Variants in MUCL1 observed in about 807,000 individuals in gnomAD.
MUCL1 encodes the protein mucin like 1.
MUCL1 carries 11 observed loss-of-function variants against 9.2 expected under a neutral mutation model. The ratio of observed to expected loss-of-function variants is 1.19; its 90% CI spans 0.75 to 1.97. The LOEUF is 1.97. MUCL1 is among the 30% of genes most tolerant of loss of function. The pLI is 0.00. For missense variants in MUCL1, 144 were observed against 110.9 expected (o/e 1.30, Z -1.34); for synonymous variants, 48 against 40.5 (o/e 1.19, Z -0.71).
chr12:54,842,488 C>CT (rs955590407), intron 1 of MUCL1, among the ~76,000 whole-genome samples: 2 of 152,052 alleles, frequency 1.3e-5, no homozygotes, highest in African/African-American at 4.8e-5. Context: ...ACCTCACATA[C>CT]TTATCTTTTT....
upstream of MUCL1, among the ~76,000 whole-genome samples, chr12:54,854,059 A>T (rs1385060329): frequency 2.5e-5 from 3 of 120,558 alleles, no homozygotes; most frequent in Admixed American, 9.3e-5. Flanking sequence ...GACTCGAAGA[A>T]TGCACAGCCT....
At position 54,854,578 on chromosome 12, in the gene MUCL1, C is replaced by A; in HGVS notation, c.-5C>A. On this transcript the variant is annotated 5_prime_UTR_variant, in exon 1 of 4. Coordinates refer to ENST00000308796, the MANE Select transcript of MUCL1 (RefSeq NM_058173.3). ...TCTGTGCTCCCTGATCTTCAGGTCA[C>A]CACCATGAAGTTCTTAGCAGTCCTG... 1 of 1,612,196 alleles carries A rather than the reference C, an allele frequency of 6.2e-7. No homozygotes were observed. The highest frequency in any genetic ancestry group is 8.5e-7 in the Non-Finnish European group (1 of 1,178,714).
intron 1 of MUCL1, among the ~76,000 whole-genome samples, chr12:54,845,261 G>T (rs1238991523): frequency 2.0e-5 from 3 of 152,142 alleles, no homozygotes; most frequent in Non-Finnish European, 4.4e-5. Flanking sequence ...TCTGCCCAAT[G>T]CATATAGCAG....
At chr12:54,850,789 G>C (rs1013578906), upstream of MUCL1, among the ~76,000 whole-genome samples, 2 of 152,170 alleles carry the variant, frequency 1.3e-5, no homozygotes, top group Admixed American at 6.5e-5. Flanking sequence ...GTGTAAAAGT[G>C]TTCCTATTTC....
intron 1 of MUCL1, among the ~76,000 whole-genome samples, chr12:54,844,239 C>A (rs1021515086): frequency 1.3e-5 from 2 of 151,800 alleles, no homozygotes; most frequent in East Asian, 3.9e-4. Flanking sequence ...CTACCTGGGG[C>A]CCCAGATTTT....
intron 1 of MUCL1, among the ~76,000 whole-genome samples, chr12:54,847,338 G>A (rs1428982495): frequency 6.6e-6 from 1 of 152,178 alleles, no homozygotes; most frequent in African/African-American, 2.4e-5. Flanking sequence ...AAGAAAGGCC[G>A]GGCACAGTGG....
chr12:54,840,004 C>T (rs967984398), intron 1 of MUCL1, among the ~76,000 whole-genome samples: 2 of 152,186 alleles, frequency 1.3e-5, no homozygotes, highest in Non-Finnish European at 2.9e-5. Flanking sequence ...TTTGTCCCAC[C>T]TGGTATTCCC....
At chr12:54,855,021 T>C (rs887744452) in intron 1 of MUCL1, 95 bp from the exon 2 acceptor site, 15 of 1,048,658 alleles carry the variant, frequency 1.4e-5, no homozygotes, top group Non-Finnish European at 1.7e-5. Flanking sequence ...GGGTCTTCCA[T>C]TGTAAAGTCT....
At chr12:54,857,734 G>A (rs931180771) in intron 3 of MUCL1, among the ~76,000 whole-genome samples, 1 of 151,868 alleles carries the variant, frequency 6.6e-6, no homozygotes, top group Admixed American at 6.6e-5. Context: ...TTGAGCACAC[G>A]GGCAGAAAGA....
At chr12:54,838,055 A>G (rs572373046), upstream of MUCL1, among the ~76,000 whole-genome samples, 2 of 152,252 alleles carry the variant, frequency 1.3e-5, no homozygotes, top group South Asian at 4.2e-4. Flanking sequence ...AAGTGGTTCT[A>G]TTCTGGTGCA....
chr12:54,845,535 C>T (rs1306022750), intron 1 of MUCL1, among the ~76,000 whole-genome samples: 2 of 151,974 alleles, frequency 1.3e-5, no homozygotes, highest in South Asian at 2.1e-4. Context: ...TAATTTGGTC[C>T]CCATTCTCAA....
At chr12:54,853,032 C>T (rs1222729217), upstream of MUCL1, among the ~76,000 whole-genome samples, 1 of 152,126 alleles carries the variant, frequency 6.6e-6, no homozygotes, top group Non-Finnish European at 1.5e-5. Context: ...ATTTCCTCTG[C>T]CTTTCTTCAT....
intron 1 of MUCL1, among the ~76,000 whole-genome samples, chr12:54,834,249 T>G (rs899202323): frequency 2.0e-5 from 3 of 152,148 alleles, no homozygotes; most frequent in African/African-American, 7.2e-5. Context: ...TATTTGGAAT[T>G]TATTTTAGTG....
intron 1 of MUCL1, among the ~76,000 whole-genome samples, chr12:54,842,760 A>G (rs1959218745): frequency 6.6e-6 from 1 of 152,032 alleles, no homozygotes; most frequent in Non-Finnish European, 1.5e-5. Flanking sequence ...TTATCTTTTC[A>G]TAATTTCTTT....
upstream of MUCL1, among the ~76,000 whole-genome samples, chr12:54,837,471 A>G (rs12296376): frequency 0.083 from 12,669 of 152,060 alleles, 839 homozygotes; most frequent in African/African-American, 0.18. Flanking sequence ...TCAAGTCTAT[A>G]AGAATCCTTA....
intron 1 of MUCL1, among the ~76,000 whole-genome samples, chr12:54,840,844 G>A (rs1001015388): frequency 2.0e-5 from 3 of 152,180 alleles, no homozygotes; most frequent in Admixed American, 2.0e-4. Context: ...CACGCATTTG[G>A]CAAAGCAGGC....
chr12:54,833,317 C>G (rs942355574), intron 1 of MUCL1, among the ~76,000 whole-genome samples: 8 of 152,020 alleles, frequency 5.3e-5, no homozygotes, highest in Non-Finnish European at 1.5e-5. Context: ...TTTTATTTCT[C>G]AGTTTATTTT....
rs1868315053 is a variant in MUCL1 at position 54,858,208 on chromosome 12, T to C, written c.239T>C (p.Val80Ala). ...RKDIPVLPKW[V>A]GDLPNGRVCP ...TCTCTTGCAGTTTTACCCAAATGGG[T>C]TGGGGATCTCCCGAATGGTAGAGTG... The change falls in exon 4 of 4, where the codon GTT (valine) becomes GCT (alanine). Residue 80 changes from valine to alanine, a missense_variant. By Grantham distance (64) the Val-to-Ala change is moderately conservative. Coordinates refer to ENST00000308796, the MANE Select transcript of MUCL1 (RefSeq NM_058173.3). 6.2e-7 allele frequency: 1 copy of C among 1,613,492 alleles called. No individual in the cohort carries two copies. The highest frequency in any genetic ancestry group is 8.5e-7 in the Non-Finnish European group (1 of 1,179,558).
chr12:54,849,011 A>G (rs554363043), intron 1 of MUCL1, among the ~76,000 whole-genome samples: 16 of 152,274 alleles, frequency 1.1e-4, no homozygotes, highest in African/African-American at 3.8e-4. Flanking sequence ...GAATTCCTGT[A>G]AGCAGGTAAT....
Sources: gnomAD v4.1 joint callset for allele counts (sites outside exome capture counted in the v4.1 genomes callset) on GRCh38, gnomAD v4.1.1 for gene constraint, MANE v1.5 for transcripts, NCBI Gene and HGNC (gene_info 2026-07-23, HGNC 2026-07-21) for gene names.